FHIP1A: variants seen among roughly 807,000 people sequenced by gnomAD.
The protein encoded by FHIP1A is FHF complex subunit HOOK-interacting protein 1A.
Under a neutral mutation model 88.6 loss-of-function variants are expected in FHIP1A, and 61 were observed. That is an observed-to-expected ratio of 0.69 (90% CI 0.56 to 0.85). FHIP1A has a LOEUF of 0.85. FHIP1A is among the 40% of genes least tolerant of loss of function. FHIP1A has a pLI of 0.00. For missense variants in FHIP1A, 1,154 were observed against 1,273.5 expected, an observed-to-expected ratio of 0.91 and a Z score of 1.43; for synonymous variants, 478 against 496.0, an observed-to-expected ratio of 0.96 and a Z score of 0.48.
intron 4 of FHIP1A, among the ~76,000 whole-genome samples, chr4:151,576,484 T>C (rs999086474): frequency 6.6e-6 from 1 of 152,108 alleles, no homozygotes; most frequent in African/African-American, 2.4e-5. Context: ...AAAGTTATTT[T>C]GTAGAGATAG....
chr4:151,620,480 G>C (rs1008189229), intron 7 of FHIP1A, among the ~76,000 whole-genome samples: 54 of 152,214 alleles, frequency 3.5e-4, no homozygotes, highest in Non-Finnish European at 3.4e-4. Flanking sequence ...TTAAGCATTT[G>C]ACCCTGACAT....
intron 5 of FHIP1A, among the ~76,000 whole-genome samples, chr4:151,584,217 C>T (rs893127320): frequency 2.0e-5 from 3 of 152,144 alleles, no homozygotes. Context: ...TATGGTCTCT[C>T]CATGTTAACA....
At chr4:151,605,717 C>T (rs1735048256) in intron 7 of FHIP1A, among the ~76,000 whole-genome samples, 1 of 152,212 alleles carries the variant, frequency 6.6e-6, no homozygotes, top group Non-Finnish European at 1.5e-5. Flanking sequence ...CATGCACATA[C>T]GTATTCATGA....
At chr4:151,527,570 G>T (rs1439633458) in intron 3 of FHIP1A, among the ~76,000 whole-genome samples, 2 of 151,974 alleles carry the variant, frequency 1.3e-5, no homozygotes, top group Non-Finnish European at 2.9e-5. Context: ...AGAGGGAGAG[G>T]GAGAGGGAGA....
intron 2 of FHIP1A, among the ~76,000 whole-genome samples, chr4:151,475,753 G>A (rs1024528462): frequency 7.2e-5 from 11 of 151,872 alleles, no homozygotes; most frequent in South Asian, 2.1e-4. Context: ...AACAGTTGAG[G>A]TTTATTTCGG....
intron 1 of FHIP1A, among the ~76,000 whole-genome samples, 164 bp from the exon 2 acceptor site, chr4:151,454,537 G>A (rs576480891): frequency 3.9e-5 from 6 of 152,262 alleles, no homozygotes; most frequent in African/African-American, 1.4e-4. Context: ...AGCTGTGTTT[G>A]TTTAAAACAC....
chr4:151,616,535 G>A (rs1189120401), intron 7 of FHIP1A, among the ~76,000 whole-genome samples: 1 of 132,710 alleles, frequency 7.5e-6, no homozygotes, highest in Non-Finnish European at 1.5e-5. Context: ...TGCAAGCTCC[G>A]CCTCCCGGGT....
intron 7 of FHIP1A, among the ~76,000 whole-genome samples, chr4:151,601,864 A>T (rs1302546176): frequency 1.3e-5 from 2 of 151,946 alleles, no homozygotes; most frequent in Non-Finnish European, 2.9e-5. Context: ...GAAGAAAAAG[A>T]AGTTTAATGG....
chr4:151,635,006 G>T (rs973983201), intron 8 of FHIP1A, among the ~76,000 whole-genome samples: 5 of 151,644 alleles, frequency 3.3e-5, no homozygotes, highest in Non-Finnish European at 7.4e-5. Context: ...CTGATAGGGG[G>T]TAGTATCCAG....
intron 1 of FHIP1A, among the ~76,000 whole-genome samples, chr4:151,444,005 C>A (rs1285541777): frequency 6.7e-6 from 1 of 149,300 alleles, no homozygotes; most frequent in Non-Finnish European, 1.5e-5. Flanking sequence ...AGATCCTCTC[C>A]CCACTCTGTG....
intron 3 of FHIP1A, among the ~76,000 whole-genome samples, chr4:151,487,057 C>T (rs186573084): frequency 6.6e-6 from 1 of 152,032 alleles, no homozygotes; most frequent in Admixed American, 6.5e-5. Context: ...AGCCTTTGGC[C>T]CTTAACTTGG....
intron 1 of FHIP1A, among the ~76,000 whole-genome samples, chr4:151,418,418 G>A (rs1001866295): frequency 6.6e-6 from 1 of 152,148 alleles, no homozygotes; most frequent in African/African-American, 2.4e-5. Context: ...TAGATAGTAA[G>A]AACCAGCTTG....
chr4:151,659,841 C>T (rs1737386229), intron 13 of FHIP1A, among the ~76,000 whole-genome samples: 1 of 152,164 alleles, frequency 6.6e-6, no homozygotes, highest in African/African-American at 2.4e-5. Flanking sequence ...TCTGTGTGGC[C>T]GCTGCTCCAG....
intron 3 of FHIP1A, among the ~76,000 whole-genome samples, chr4:151,499,800 A>G (rs887312017): frequency 6.6e-6 from 1 of 152,214 alleles, no homozygotes; most frequent in African/African-American, 2.4e-5. Flanking sequence ...TTATAAAACC[A>G]TCAGATATCA....
intron 7 of FHIP1A, among the ~76,000 whole-genome samples, chr4:151,606,207 G>A (rs183079165): frequency 2.0e-5 from 3 of 152,226 alleles, no homozygotes; most frequent in Non-Finnish European, 4.4e-5. Flanking sequence ...GTAGGAGAAG[G>A]GTAGACACAA....
chr4:151,468,862 T>C (rs1168686927), intron 2 of FHIP1A, among the ~76,000 whole-genome samples: 2 of 152,204 alleles, frequency 1.3e-5, no homozygotes, highest in African/African-American at 4.8e-5. Flanking sequence ...GTAATCATGA[T>C]CATCTGATCT....
intron 1 of FHIP1A, among the ~76,000 whole-genome samples, chr4:151,439,406 G>A (rs1323903923): frequency 6.6e-6 from 1 of 151,768 alleles, no homozygotes; most frequent in African/African-American, 2.4e-5. Context: ...CCATTTATTT[G>A]TATAATTTTA....
chr4:151,508,944 AC>A (rs1220354911), intron 3 of FHIP1A, among the ~76,000 whole-genome samples: 1 of 152,102 alleles, frequency 6.6e-6, no homozygotes, highest in Non-Finnish European at 1.5e-5. Flanking sequence ...AATCTAGGAA[AC>A]CCTTAAAACA....
chr4:151,567,741 G>C (rs1222501314), intron 4 of FHIP1A, among the ~76,000 whole-genome samples: 1 of 151,936 alleles, frequency 6.6e-6, no homozygotes, highest in African/African-American at 2.4e-5. Flanking sequence ...TGTTTAAAAC[G>C]TACATTATAC....
Sources: allele counts gnomAD v4.1 joint callset (sites outside exome capture counted in the v4.1 genomes callset), GRCh38; gene constraint gnomAD v4.1.1; transcripts MANE v1.5; gene names NCBI Gene and HGNC (gene_info 2026-07-23, HGNC 2026-07-21).